The following FASTKD1 variants were observed in gnomAD, a reference collection of about 807,000 sequenced individuals.
The protein encoded by FASTKD1 is FAST kinase domains 1, also known as FAST kinase domain-containing protein 1, mitochondrial.
A neutral mutation model predicts 90.9 loss-of-function variants in FASTKD1; 94 were observed. The ratio of observed to expected loss-of-function variants is 1.03; its 90% confidence interval spans 0.88 to 1.23. The LOEUF (loss-of-function observed/expected upper bound fraction) is 1.23. Ranked by LOEUF, FASTKD1 falls within the 50% of genes most tolerant of loss-of-function variation. The pLI, the probability that FASTKD1 is intolerant of heterozygous loss-of-function variation, is 0.00. For synonymous variants in FASTKD1, 319 were observed against 345.8 expected (o/e 0.92, Z 0.86); for missense variants, 945 against 993.5 (o/e 0.95, Z 0.66).
rs144267679 is a variant in FASTKD1 at position 169,531,095 on chromosome 2, G to A, written c.2327+257C>T. ...GAGAAAAGTAGAGAGGTATGGGAGC[G>A]CAAAAGAAGATACTATTTTACTTCC... On this transcript the variant is annotated intron_variant, in intron 13 of 14. Transcript: ENST00000453153. 691 of 709,368 alleles carry A rather than the reference G, an allele frequency of 9.7e-4. 5 individuals carry two copies. The African/African-American group carries it at 9.8e-3, about 10-fold the overall frequency. 43.9% of individuals were successfully genotyped at this position (709,368 alleles called of 1,614,324 possible). A position where few individuals can be genotyped will look rare whatever the true frequency, so the allele number is the denominator to read the frequency against.
intron 12 of FASTKD1, among the ~76,000 whole-genome samples, chr2:169,535,332 A>G (rs1422712322): frequency 6.6e-6 from 1 of 151,474 alleles, no homozygotes; most frequent in Non-Finnish European, 1.5e-5. Context: ...GCATGCCACC[A>G]TGCCTGATAA....
intron 7 of FASTKD1, among the ~76,000 whole-genome samples, chr2:169,553,982 G>A (rs890790113): frequency 2.6e-5 from 4 of 151,794 alleles, no homozygotes; most frequent in African/African-American, 9.7e-5. Flanking sequence ...GTTCAAGCCT[G>A]TAAAACCAGC....
intron 7 of FASTKD1, among the ~76,000 whole-genome samples, chr2:169,554,278 TAAAAAAAAAAAAAAAAA>T (rs58641456): frequency 2.7e-4 from 8 of 29,778 alleles, no homozygotes; most frequent in Non-Finnish European, 3.1e-4. Context: ...ACCCTGTCTC[TAAAAAAAAAAAAAAAAA>T]AAAAAAAAAA....
chr2:169,543,412 G>A (rs1446396839), intron 9 of FASTKD1, among the ~76,000 whole-genome samples: 1 of 152,060 alleles, frequency 6.6e-6, no homozygotes, highest in Non-Finnish European at 1.5e-5. Flanking sequence ...GCAGTGAGCC[G>A]AGATTGTGCC....
At chr2:169,569,480 A>G (rs1368116172) in intron 2 of FASTKD1, among the ~76,000 whole-genome samples, 2 of 152,144 alleles carry the variant, frequency 1.3e-5, no homozygotes, top group Non-Finnish European at 2.9e-5. Context: ...TTATTTCAAT[A>G]CCCATGCTAC....
At chr2:169,561,419 A>T (rs986806899) in intron 4 of FASTKD1, among the ~76,000 whole-genome samples, 1 of 152,076 alleles carries the variant, frequency 6.6e-6, no homozygotes, top group East Asian at 1.9e-4. Context: ...GCCAAAGACA[A>T]TCATAGTACT....
At position 169,538,135 on chromosome 2, in the gene FASTKD1, G is replaced by A; in HGVS notation, c.1952C>T (p.Ser651Phe). ...CTGGACTCTTGCACTTCGAGATGGAGATAAAACTGAAATTAATAAAATACT... is the reference window on the plus strand; with the variant it reads ...CTGGACTCTTGCACTTCGAGATGGAAATAAAACTGAAATTAATAAAATACT... ...ARLDSQLEIL[S>F]PSRSARVQFH... is the part of the protein sequence containing the mutation. Residue 651 changes from serine (S) to phenylalanine (F), a missense_variant, in exon 11 of 15, where the codon TCT becomes TTT. Physicochemically the swap from Ser to Phe is radical, Grantham distance 155. Transcript: ENST00000453153. 3 of 1,592,660 alleles carry A rather than the reference G, an allele frequency of 1.9e-6. No homozygotes were observed. Among genetic ancestry groups the A allele is most frequent in the Non-Finnish European group, 2.6e-6 (3 of 1,173,950 alleles).
intron 9 of FASTKD1, among the ~76,000 whole-genome samples, chr2:169,542,002 A>C (rs1358834337): frequency 1.3e-5 from 2 of 152,098 alleles, no homozygotes; most frequent in Admixed American, 6.6e-5. Flanking sequence ...CTCTCAATTC[A>C]TTTAATCCAT....
intron 9 of FASTKD1, 90 bp from the exon 10 acceptor site, chr2:169,540,269 A>ATTTTTT: frequency 7.9e-7 from 1 of 1,270,804 alleles, no homozygotes; most frequent in South Asian, 1.7e-5. Flanking sequence ...GGTTTTTAAA[A>ATTTTTT]AAAAGATACA....
intron 7 of FASTKD1, among the ~76,000 whole-genome samples, chr2:169,554,056 G>A (rs1174536547): frequency 6.6e-6 from 1 of 150,978 alleles, no homozygotes; most frequent in African/African-American, 2.4e-5. Flanking sequence ...GGTAAGCTAT[G>A]ATCATGCCAC....
At chr2:169,557,047 C>A in intron 6 of FASTKD1, 140 bp downstream of exon 6, 2 of 612,544 alleles carry the variant, frequency 3.3e-6, no homozygotes, top group Non-Finnish European at 5.8e-6. Flanking sequence ...CAAAGTAGAA[C>A]ATAAACAGTG....
At chr2:169,538,651 G>A (rs1427232631) in intron 10 of FASTKD1, among the ~76,000 whole-genome samples, 1 of 140,388 alleles carries the variant, frequency 7.1e-6, no homozygotes, top group Non-Finnish European at 1.5e-5. Flanking sequence ...CTCCAGCCTG[G>A]GCAACAAGAG....
rs1685184917 is a variant in FASTKD1, at chr2:169,546,241, C to T, written c.1678G>A (p.Val560Met). The T allele has an allele frequency of 1.3e-6, 2 of 1,584,064 alleles. No individual in the cohort carries two copies. Among genetic ancestry groups the T allele is most frequent in the Non-Finnish European group, 1.7e-6 (2 of 1,163,414 alleles). The part of the protein sequence containing the change: ...STLLLDRIAS[V>M]AVQQIEKIHP... The stretch of plus-strand genomic sequence containing the variant: ...ACCTTTTCAATCTGCTGAACAGCCA[C>T]TGAGGCTATCCTATCTAGTAGCAAA... Residue 560 changes from valine to methionine, a missense_variant, in exon 8 of 15, where the codon GTG becomes ATG. Val to Met is a conservative substitution (Grantham distance 21). Coordinates refer to ENST00000453153, the MANE Select transcript of FASTKD1 (RefSeq NM_024622.6).
intron 9 of FASTKD1, among the ~76,000 whole-genome samples, chr2:169,542,188 C>A (rs1684985747): frequency 1.3e-5 from 2 of 152,202 alleles, no homozygotes; most frequent in Admixed American, 6.5e-5. Context: ...CAATCTCCCC[C>A]TAACAGAAAG....
rs1230388441 is a variant in FASTKD1, at chr2:169,538,183, C to A, written c.1946-42G>T. 5 of 1,539,288 alleles carry A rather than the reference C, an allele frequency of 3.2e-6. No individual in the cohort carries two copies. In the African/African-American group the frequency reaches 5.6e-5, roughly 17 times the overall value. Reference sequence around the variant, plus strand: ...ACTAATGAATTTTGATAGCTGAGACCTAGGAAAGACAACCCATTTTTTTCA... The same window carrying A: ...ACTAATGAATTTTGATAGCTGAGACATAGGAAAGACAACCCATTTTTTTCA... On this transcript the variant is annotated intron_variant, in intron 10 of 14. Coordinates refer to ENST00000453153, the MANE Select transcript of FASTKD1 (RefSeq NM_024622.6).
chr2:169,551,529 G>A (rs1215312616), intron 7 of FASTKD1, among the ~76,000 whole-genome samples: 1 of 152,190 alleles, frequency 6.6e-6, no homozygotes, highest in Non-Finnish European at 1.5e-5. Flanking sequence ...AGGCGCAGTG[G>A]CTCATGCCTG....
At chr2:169,565,374 T>C (rs1320013825) in intron 3 of FASTKD1, among the ~76,000 whole-genome samples, 3 of 147,540 alleles carry the variant, frequency 2.0e-5, no homozygotes, top group East Asian at 4.1e-4. Flanking sequence ...GCCATTCTCC[T>C]GCTTCAGCCT....
At chr2:169,569,007 A>C (rs1407203131) in intron 3 of FASTKD1, among the ~76,000 whole-genome samples, 177 bp downstream of exon 3, 8 of 151,996 alleles carry the variant, frequency 5.3e-5, no homozygotes, top group Admixed American at 2.0e-4. Flanking sequence ...TCAAAAAAAA[A>C]AAAAAAAACA....
chr2:169,530,516 T>C (rs968481645), intron 14 of FASTKD1, 71 bp downstream of exon 14: 3 of 824,308 alleles, frequency 3.6e-6, no homozygotes, highest in Non-Finnish European at 5.8e-6. Context: ...AACTTTCACA[T>C]TAAAAGGAAG....
Sources: allele counts gnomAD v4.1 joint callset (sites outside exome capture counted in the v4.1 genomes callset), GRCh38; gene constraint gnomAD v4.1.1; transcripts MANE v1.5; gene names NCBI Gene and HGNC (gene_info 2026-07-23, HGNC 2026-07-21).